HS6ST3: variants seen among roughly 807,000 people sequenced by gnomAD.
HS6ST3 encodes heparan-sulfate 6-O-sulfotransferase 3.
In HS6ST3, 12 loss-of-function variants were observed where a neutral mutation model predicts 36.7. The ratio of observed to expected loss-of-function variants is 0.33; its 90% CI spans 0.21 to 0.53. The LOEUF is 0.53. HS6ST3 is among the 20% of genes least tolerant of loss of function. HS6ST3 has a pLI of 0.95. For missense variants in HS6ST3, 584 were observed against 640.9 expected (o/e 0.91, Z 0.96); for synonymous variants, 240 against 257.5 (o/e 0.93, Z 0.65).
At chr13:96,814,503 ACC>A (rs998117755) in intron 1 of HS6ST3, among the ~76,000 whole-genome samples, 1 of 151,906 alleles carries the variant, frequency 6.6e-6, no homozygotes. Flanking sequence ...TTTCATTCAG[ACC>A]CCTTAAATTC....
At chr13:96,302,599 T>C (rs2054889272) in intron 1 of HS6ST3, among the ~76,000 whole-genome samples, 2 of 152,188 alleles carry the variant, frequency 1.3e-5, no homozygotes, top group South Asian at 2.1e-4. Flanking sequence ...ATGGGATTTA[T>C]ATGTAATGAC....
chr13:96,574,033 C>A, intron 1 of HS6ST3: 1 of 543,694 alleles, frequency 1.8e-6, no homozygotes, highest in Non-Finnish European at 3.7e-6. Context: ...CCTGTCTGCT[C>A]TTTGTGACAT....
At chr13:96,293,038 T>C (rs976119627) in intron 1 of HS6ST3, among the ~76,000 whole-genome samples, 37 of 152,034 alleles carry the variant, frequency 2.4e-4, no homozygotes, top group Non-Finnish European at 1.0e-4. Flanking sequence ...TATTAACATA[T>C]GACACCTCCA....
intron 1 of HS6ST3, among the ~76,000 whole-genome samples, chr13:96,435,148 G>A (rs1388516706): frequency 6.6e-6 from 1 of 152,184 alleles, no homozygotes; most frequent in Non-Finnish European, 1.5e-5. Context: ...TCTAATTGCA[G>A]TGGTTAAATT....
chr13:96,385,677 T>A (rs1181223662), intron 1 of HS6ST3, among the ~76,000 whole-genome samples: 2 of 152,228 alleles, frequency 1.3e-5, no homozygotes, highest in African/African-American at 4.8e-5. Context: ...TATGTAAATG[T>A]AGATAATGCT....
At chr13:96,496,658 C>G (rs2055978464) in intron 1 of HS6ST3, among the ~76,000 whole-genome samples, 2 of 152,162 alleles carry the variant, frequency 1.3e-5, no homozygotes, top group South Asian at 2.1e-4. Context: ...CTCAGACATT[C>G]CTACCCAGAA....
At chr13:96,332,419 A>G (rs1357301040) in intron 1 of HS6ST3, among the ~76,000 whole-genome samples, 1 of 152,138 alleles carries the variant, frequency 6.6e-6, no homozygotes, top group African/African-American at 2.4e-5. Context: ...TATTTTCAGC[A>G]TCTGTAAAAC....
At chr13:96,624,189 A>G (rs1219630775) in intron 1 of HS6ST3, among the ~76,000 whole-genome samples, 1 of 152,208 alleles carries the variant, frequency 6.6e-6, no homozygotes, top group Non-Finnish European at 1.5e-5. Flanking sequence ...AAGAATAATA[A>G]TAAAGTGAAA....
chr13:96,621,916 A>G (rs571651449), intron 1 of HS6ST3, among the ~76,000 whole-genome samples: 1 of 152,202 alleles, frequency 6.6e-6, no homozygotes, highest in African/African-American at 2.4e-5. Flanking sequence ...AGAGGTTATT[A>G]TAGGATTTTG....
At chr13:96,755,592 T>C (rs1365374725) in intron 1 of HS6ST3, among the ~76,000 whole-genome samples, 2 of 152,192 alleles carry the variant, frequency 1.3e-5, no homozygotes, top group Non-Finnish European at 2.9e-5. Flanking sequence ...CTTGAACTCC[T>C]GACCTTGTGA....
intron 1 of HS6ST3, among the ~76,000 whole-genome samples, chr13:96,100,304 C>T (rs184351206): frequency 6.6e-6 from 1 of 152,194 alleles, no homozygotes; most frequent in East Asian, 1.9e-4. Context: ...CATTCATTTT[C>T]TGTATCATGC....
At chr13:96,095,004 A>G (rs1017316744) in intron 1 of HS6ST3, among the ~76,000 whole-genome samples, 1 of 152,300 alleles carries the variant, frequency 6.6e-6, no homozygotes, top group South Asian at 2.1e-4. Flanking sequence ...ATTCTTGAGT[A>G]TATATAGAAT....
At chr13:96,635,874 A>G (rs964154745) in intron 1 of HS6ST3, among the ~76,000 whole-genome samples, 5 of 152,126 alleles carry the variant, frequency 3.3e-5, no homozygotes, top group African/African-American at 1.2e-4. Context: ...CATGAATATG[A>G]TATATAATAC....
chr13:96,610,924 C>T (rs915813680), intron 1 of HS6ST3, among the ~76,000 whole-genome samples: 1 of 151,192 alleles, frequency 6.6e-6, no homozygotes, highest in Admixed American at 6.6e-5. Flanking sequence ...ACTGGCATAG[C>T]ATAGAAATGT....
intron 1 of HS6ST3, among the ~76,000 whole-genome samples, chr13:96,437,074 G>A (rs1482590933): frequency 1.3e-5 from 2 of 152,114 alleles, no homozygotes; most frequent in Non-Finnish European, 2.9e-5. Flanking sequence ...TACCAAATAT[G>A]TTGTGTGTTC....
intron 1 of HS6ST3, among the ~76,000 whole-genome samples, chr13:96,760,047 T>A (rs534588447): frequency 1.5e-3 from 229 of 152,184 alleles, no homozygotes; most frequent in Non-Finnish European, 2.4e-3. Context: ...TTCTTAAAAA[T>A]TCAACAATGG....
At chr13:96,827,041 C>T (rs1878663854) in intron 1 of HS6ST3, among the ~76,000 whole-genome samples, 1 of 152,162 alleles carries the variant, frequency 6.6e-6, no homozygotes, top group Admixed American at 6.6e-5. Context: ...GATGCTGTCA[C>T]CATGGCAAAC....
chr13:96,275,167 A>C (rs2139390586), intron 1 of HS6ST3, among the ~76,000 whole-genome samples: 1 of 152,308 alleles, frequency 6.6e-6, no homozygotes, highest in Non-Finnish European at 1.5e-5. Flanking sequence ...TAGCCATTAA[A>C]CAGCCTTCAG....
intron 1 of HS6ST3, among the ~76,000 whole-genome samples, chr13:96,348,177 A>G (rs563635166): frequency 8.5e-5 from 13 of 152,362 alleles, no homozygotes; most frequent in Middle Eastern, 6.8e-3. Flanking sequence ...TCTTTTCTGC[A>G]TATTAAAGCA....
Sources: allele counts gnomAD v4.1 joint callset (sites outside exome capture counted in the v4.1 genomes callset), GRCh38; gene constraint gnomAD v4.1.1; transcripts MANE v1.5; gene names NCBI Gene and HGNC (gene_info 2026-07-23, HGNC 2026-07-21).